Variants in ARHGEF12 observed in about 807,000 individuals in gnomAD.
ARHGEF12 encodes the protein KMT2A/ARHGEF12 fusion protein.
ARHGEF12 carries 66 observed loss-of-function variants against 211.2 expected under a neutral mutation model. The observed-to-expected ratio is 0.31, with a 90% CI of 0.26 to 0.38. The LOEUF is 0.38. Among genes scored for constraint, ARHGEF12 ranks in the 10% least tolerant of loss-of-function variants. The probability of loss-of-function intolerance (pLI) is 1.00; values close to 1 mark genes in which losing one functional copy is unlikely to be tolerated. For synonymous variants in ARHGEF12, 592 were observed against 638.4 expected (o/e 0.93, Z 1.09); for missense variants, 1,429 against 1,869.5 (o/e 0.76, Z 4.34).
intron 15 of ARHGEF12, 27 bp downstream of exon 15, chr11:120,442,229 C>A (rs1214169018): frequency 4.5e-6 from 7 of 1,544,554 alleles, no homozygotes; most frequent in Non-Finnish European, 6.2e-6. Context: ...ATGTTGTAAT[C>A]TTTGCCTTAG....
In ARHGEF12 at chr11:120,424,391, C is replaced by T. The variant is rs756043476; in HGVS notation, c.382C>T (p.Leu128=). The stretch of plus-strand genomic sequence containing the variant: ...AACTCTGGTGACTCATTCAAATCAT[C>T]TGGAGGTGGTGAAGCTAATCAAATG... The part of the protein sequence containing the change: ...NGTLVTHSNH[L]EVVKLIKSGS... Residue 128 remains leucine (L), a synonymous_variant, in exon 7 of 41, where the codon CTG becomes TTG. Coordinates refer to ENST00000397843, the MANE Select transcript of ARHGEF12 (RefSeq NM_015313.3). 5 of 1,613,578 alleles carry T rather than the reference C, an allele frequency of 3.1e-6. No individual in the cohort carries two copies. In the East Asian group the frequency reaches 8.9e-5, roughly 29 times the overall value.
chr11:120,399,233 T>A (rs1472408314), intron 1 of ARHGEF12, among the ~76,000 whole-genome samples: 1 of 142,046 alleles, frequency 7.0e-6, no homozygotes, highest in Admixed American at 7.6e-5. Context: ...GGTAGGAGGA[T>A]TCCCTTGAGC....
intron 26 of ARHGEF12, among the ~76,000 whole-genome samples, chr11:120,459,976 G>T (rs1219712065): frequency 3.3e-5 from 5 of 152,206 alleles, no homozygotes; most frequent in Non-Finnish European, 7.3e-5. Context: ...CCTCCAAAGT[G>T]CTGGGATTAT....
chr11:120,488,952 G>T lies in ARHGEF12; in HGVS notation c.*3875G>T, dbSNP rs572010277. 24 of 218,532 alleles carry T rather than the reference G, an allele frequency of 1.1e-4. No individual in the cohort carries two copies. The South Asian group carries it at 3.9e-3, about 36-fold the overall frequency. 13.5% of individuals were successfully genotyped at this position (218,532 alleles called of 1,614,324 possible). On this transcript the variant is annotated 3_prime_UTR_variant, in exon 41 of 41. Transcript: ENST00000397843. ...TGTATGTTTCTGGAACAAAATATTGGTCATCTAAAAACTTTCTGTTTTCTG... is the reference window on the plus strand; with the variant it reads ...TGTATGTTTCTGGAACAAAATATTGTTCATCTAAAAACTTTCTGTTTTCTG...
intron 28 of ARHGEF12, among the ~76,000 whole-genome samples, chr11:120,466,818 A>T (rs1394662114): frequency 2.0e-5 from 3 of 152,232 alleles, no homozygotes; most frequent in African/African-American, 7.2e-5. Context: ...GCATACTTGG[A>T]ATGGCAGATA....
At chr11:120,457,790 G>T (rs369961333) in intron 24 of ARHGEF12, 34 bp downstream of exon 24, 3 of 1,596,110 alleles carry the variant, frequency 1.9e-6, no homozygotes, top group East Asian at 2.2e-5. Context: ...CAATAAAGGC[G>T]CATTTTAAGA....
In ARHGEF12 at chr11:120,351,437, ATATATATATATATATATATTT is replaced by A. The variant is rs1256659049; in HGVS notation, c.32+14164_32+14184del. Among the ~76,000 whole-genome samples, 5 of 3,286 alleles carry A rather than the reference ATATATATATATATATATATTT, an allele frequency of 1.5e-3. 1 individual carries two copies. The highest frequency in any genetic ancestry group is 2.4e-3 in the Non-Finnish European group (5 of 2,118). 2.2% of individuals were successfully genotyped at this position (3,286 alleles called of 152,430 possible). A position where few individuals can be genotyped will look rare whatever the true frequency, so the allele number is the denominator to read the frequency against. Reference sequence around the variant, plus strand: ...TATATATATATATATATATATATATATATATATATATATATATATTTTTTTTTTTTTTTTTTTTTTTTTTGA... The same window carrying A: ...TATATATATATATATATATATATATATTTTTTTTTTTTTTTTTTTTTTTGA... On this transcript the variant is annotated intron_variant, in intron 1 of 40. Coordinates refer to ENST00000397843, the MANE Select transcript of ARHGEF12 (RefSeq NM_015313.3).
intron 21 of ARHGEF12, 22 bp from the exon 22 acceptor site, chr11:120,451,490 T>A (rs1329744710): frequency 1.2e-6 from 2 of 1,612,900 alleles, no homozygotes; most frequent in South Asian, 2.2e-5. Flanking sequence ...ATACAGATTA[T>A]TAACCATCAT....
intron 26 of ARHGEF12, 59 bp from the exon 27 acceptor site, chr11:120,460,613 C>A: frequency 7.1e-7 from 1 of 1,418,294 alleles, no homozygotes; most frequent in Non-Finnish European, 9.9e-7. Flanking sequence ...CTCTGTACTA[C>A]CAGTAATTCT....
intron 33 of ARHGEF12, chr11:120,476,442 G>A (rs534149732): frequency 6.5e-5 from 24 of 371,346 alleles, no homozygotes; most frequent in South Asian, 3.6e-4. Flanking sequence ...GTGCTAATTC[G>A]TATAATCTTT....
At chr11:120,374,027 G>A (rs144998806) in intron 1 of ARHGEF12, among the ~76,000 whole-genome samples, 2,177 of 152,164 alleles carry the variant, frequency 0.014, 150 homozygotes, top group Admixed American at 0.12. Flanking sequence ...GGTTGGGCTC[G>A]AACTCCCGAC....
chr11:120,444,499 A>G (rs1945985361), intron 15 of ARHGEF12, among the ~76,000 whole-genome samples: 1 of 152,210 alleles, frequency 6.6e-6, no homozygotes, highest in Non-Finnish European at 1.5e-5. Context: ...GATTTGAGCT[A>G]CTGCCTGTCA....
At chr11:120,476,600 A>T in intron 33 of ARHGEF12, 61 bp from the exon 34 acceptor site, 1 of 1,272,752 alleles carries the variant, frequency 7.9e-7, no homozygotes, top group Non-Finnish European at 1.1e-6. Flanking sequence ...AGACCCTAAA[A>T]ACATCCCTCA....
intron 1 of ARHGEF12, among the ~76,000 whole-genome samples, chr11:120,371,259 C>T (rs1472843785): frequency 2.0e-5 from 3 of 152,178 alleles, no homozygotes; most frequent in Admixed American, 6.5e-5. Flanking sequence ...GAGGCCGAGG[C>T]GGGCGGATCA....
intron 28 of ARHGEF12, 123 bp downstream of exon 28, chr11:120,465,485 G>C: frequency 8.5e-7 from 1 of 1,174,722 alleles, no homozygotes. Flanking sequence ...TTTTTTTTTT[G>C]AGACAGGGTC....
intron 22 of ARHGEF12, 61 bp downstream of exon 22, chr11:120,451,785 C>G (rs796548794): frequency 6.8e-7 from 1 of 1,466,052 alleles, no homozygotes; most frequent in African/African-American, 1.4e-5. Flanking sequence ...AACACACTAA[C>G]TGAAAAATAG....
chr11:120,347,266 C>CTCTCTG (rs1426650315), intron 1 of ARHGEF12, among the ~76,000 whole-genome samples: 13 of 133,596 alleles, frequency 9.7e-5, no homozygotes, highest in African/African-American at 3.0e-4. Flanking sequence ...CTCTCTCTCT[C>CTCTCTG]TGTCTGTGTG....
chr11:120,467,329 TAAA>T, intron 29 of ARHGEF12, 21 bp downstream of exon 29: 31 of 1,472,034 alleles, frequency 2.1e-5, no homozygotes, highest in Non-Finnish European at 2.8e-5. Flanking sequence ...TTCACTGAAA[TAAA>T]AAGCTTAAGA....
chr11:120,358,549 G>A (rs1225603963), intron 1 of ARHGEF12, among the ~76,000 whole-genome samples: 3 of 152,202 alleles, frequency 2.0e-5, no homozygotes, highest in African/African-American at 2.4e-5. Flanking sequence ...TTGTATGATA[G>A]ATTATCCCAA....
Sources: gnomAD v4.1 joint callset for allele counts (sites outside exome capture counted in the v4.1 genomes callset) on GRCh38, gnomAD v4.1.1 for gene constraint, MANE v1.5 for transcripts, NCBI Gene and HGNC (gene_info 2026-07-23, HGNC 2026-07-21) for gene names.